ENAH: variants seen among roughly 807,000 people sequenced by gnomAD.
ENAH encodes the protein protein enabled homolog.
In ENAH, 23 loss-of-function variants were observed where a neutral mutation model predicts 78.7. The observed-to-expected ratio is 0.29, with a 90% CI of 0.21 to 0.41. The LOEUF is 0.41. Ranked by LOEUF, ENAH falls within the 10% of genes least tolerant of loss-of-function variation. The probability of loss-of-function intolerance (pLI) is 1.00; values close to 1 mark genes in which losing one functional copy is unlikely to be tolerated. For missense variants in ENAH, 544 were observed against 691.0 expected, an observed-to-expected ratio of 0.79 and a Z score of 2.39; for synonymous variants, 226 against 241.0, an observed-to-expected ratio of 0.94 and a Z score of 0.58.
chr1:225,647,736 CA>C (rs956916406), intron 1 of ENAH, among the ~76,000 whole-genome samples: 1 of 152,078 alleles, frequency 6.6e-6, no homozygotes, highest in African/African-American at 2.4e-5. Flanking sequence ...ACAGGTATTC[CA>C]AAAATGGGGT....
rs1265672893 is a variant in ENAH, at chr1:225,490,276, A to T, written c.*7499T>A. 2 of 152,202 alleles carry T rather than the reference A, an allele frequency of 1.3e-5. No homozygotes were observed. The highest frequency in any genetic ancestry group is 4.8e-5 in the African/African-American group (2 of 41,440). The allele number at this position is 152,202 out of a possible 1,614,324, so 9.4% of individuals were successfully genotyped here. A position where few individuals can be genotyped will look rare whatever the true frequency, so the allele number is the denominator to read the frequency against. ...AATTTTTACCATGTTTTCTTTCAGAAACAAGGACATTTTATGTGAGGATCA... is the reference window on the plus strand; with the variant it reads ...AATTTTTACCATGTTTTCTTTCAGATACAAGGACATTTTATGTGAGGATCA... On this transcript the variant is annotated 3_prime_UTR_variant, in exon 14 of 14. Coordinates refer to ENST00000366843, the MANE Select transcript of ENAH (RefSeq NM_018212.6).
intron 1 of ENAH, among the ~76,000 whole-genome samples, chr1:225,610,386 G>A (rs1272024323): frequency 6.6e-6 from 1 of 152,078 alleles, no homozygotes; most frequent in Non-Finnish European, 1.5e-5. Context: ...GTTCCAGTTA[G>A]TCTCTAGGAC....
At chr1:225,588,016 T>C (rs2096855886) in intron 1 of ENAH, among the ~76,000 whole-genome samples, 1 of 152,026 alleles carries the variant, frequency 6.6e-6, no homozygotes, top group South Asian at 2.1e-4. Context: ...GCTAGACCCA[T>C]AAACTTGGAG....
intron 1 of ENAH, among the ~76,000 whole-genome samples, chr1:225,588,531 C>T (rs1292834118): frequency 1.3e-5 from 2 of 152,116 alleles, no homozygotes; most frequent in Admixed American, 6.5e-5. Context: ...AAGTTGGGGC[C>T]GGGCATAGTG....
intron 1 of ENAH, among the ~76,000 whole-genome samples, chr1:225,643,509 T>C (rs1054524242): frequency 1.3e-5 from 2 of 152,218 alleles, no homozygotes; most frequent in Non-Finnish European, 2.9e-5. Flanking sequence ...TTCACAGCAG[T>C]GTTTTTTATA....
At chr1:225,611,280 C>G (rs1268011766) in intron 1 of ENAH, among the ~76,000 whole-genome samples, 1 of 151,838 alleles carries the variant, frequency 6.6e-6, no homozygotes, top group Non-Finnish European at 1.5e-5. Flanking sequence ...CCTGGGCAAC[C>G]TTGTCTCTAC....
chr1:225,565,640 C>T (rs1558825310), intron 2 of ENAH, among the ~76,000 whole-genome samples: 2 of 151,308 alleles, frequency 1.3e-5, no homozygotes, highest in African/African-American at 2.4e-5. Flanking sequence ...GTCCAGTTTT[C>T]TTTTTTTTTC....
intron 4 of ENAH, among the ~76,000 whole-genome samples, chr1:225,525,348 AT>A (rs2096495568): frequency 6.6e-6 from 1 of 152,048 alleles, no homozygotes; most frequent in Non-Finnish European, 1.5e-5. Context: ...TTCTAGAACA[AT>A]TTTTTTCTTA....
intron 2 of ENAH, among the ~76,000 whole-genome samples, chr1:225,564,609 A>G (rs2096725708): frequency 6.6e-6 from 1 of 151,618 alleles, no homozygotes; most frequent in Admixed American, 6.6e-5. Context: ...TGGGTTTTAA[A>G]AAATAGTTTT....
chr1:225,618,494 G>GGGAAGAT (rs1395607959), intron 1 of ENAH, among the ~76,000 whole-genome samples: 2 of 152,064 alleles, frequency 1.3e-5, no homozygotes, highest in Admixed American at 6.6e-5. Flanking sequence ...AGAAAAAAAG[G>GGGAAGAT]GGAAGATAAT....
chr1:225,568,687 C>T (rs2096746790), intron 1 of ENAH, among the ~76,000 whole-genome samples: 1 of 152,172 alleles, frequency 6.6e-6, no homozygotes, highest in Non-Finnish European at 1.5e-5. Flanking sequence ...TCACACTCTC[C>T]CCTCTTGCTC....
chr1:225,581,307 G>A, intron 1 of ENAH: 1 of 984,494 alleles, frequency 1.0e-6, no homozygotes, highest in South Asian at 4.7e-5. Context: ...ATATGGCAAA[G>A]CCTCTCAAAA....
At chr1:225,515,306 CT>C (rs2151137536) in intron 6 of ENAH, 2 of 169,440 alleles carry the variant, frequency 1.2e-5, no homozygotes, top group African/African-American at 4.8e-5. Context: ...CCACATTAAC[CT>C]TAAGTGTTGA....
chr1:225,628,234 G>A (rs752548467), intron 1 of ENAH, among the ~76,000 whole-genome samples: 3 of 152,166 alleles, frequency 2.0e-5, no homozygotes, highest in Non-Finnish European at 2.9e-5. Context: ...ATATTTGCTG[G>A]CTGGCATGAA....
chr1:225,622,373 A>C (rs1657139356), intron 1 of ENAH, among the ~76,000 whole-genome samples: 1 of 152,164 alleles, frequency 6.6e-6, no homozygotes, highest in African/African-American at 2.4e-5. Context: ...GGATCCTTTG[A>C]GCGCAGGAGT....
chr1:225,588,759 CGT>C (rs1329682350), intron 1 of ENAH, among the ~76,000 whole-genome samples: 13 of 134,862 alleles, frequency 9.6e-5, no homozygotes, highest in Non-Finnish European at 1.5e-4. Flanking sequence ...GAGCCGAGGT[CGT>C]GCCACTGCAC....
Position 225,486,864 on chromosome 1 carries a change from A to G in ENAH, c.*10911T>C, listed in dbSNP as rs966032892. 2 of 152,708 alleles carry G rather than the reference A, an allele frequency of 1.3e-5. No homozygotes were observed. Among genetic ancestry groups the G allele is most frequent in the Non-Finnish European group, 2.9e-5 (2 of 68,052 alleles). 9.5% of individuals were successfully genotyped at this position (152,708 alleles called of 1,614,324 possible). A position where few individuals can be genotyped will look rare whatever the true frequency, so the allele number is the denominator to read the frequency against. ...GTATTTCATGTTTTTATTTCAAAAG[A>G]AAAAAGGATACCAAGAAGCAGAAGA... On this transcript the variant is annotated 3_prime_UTR_variant, in exon 14 of 14. Transcript: ENST00000366843.
intron 3 of ENAH, among the ~76,000 whole-genome samples, chr1:225,535,998 T>C (rs2096559762): frequency 6.6e-6 from 1 of 152,098 alleles, no homozygotes; most frequent in South Asian, 2.1e-4. Flanking sequence ...AGCTTGGAAG[T>C]GCTTAAGATT....
intron 1 of ENAH, among the ~76,000 whole-genome samples, chr1:225,593,884 A>G (rs1208659484): frequency 1.3e-5 from 2 of 152,232 alleles, no homozygotes; most frequent in African/African-American, 2.4e-5. Flanking sequence ...TGCTTTTCTG[A>G]TAATATCAAT....
Sources: allele counts gnomAD v4.1 joint callset (sites outside exome capture counted in the v4.1 genomes callset), GRCh38; gene constraint gnomAD v4.1.1; transcripts MANE v1.5; gene names NCBI Gene and HGNC (gene_info 2026-07-23, HGNC 2026-07-21).